The following NSMCE1 variants were observed in gnomAD, a reference collection of about 807,000 sequenced individuals.
NSMCE1 encodes NSE1 component of SMC5/6 complex, also known as non-structural maintenance of chromosomes element 1 homolog.
In NSMCE1, 18 loss-of-function variants were observed where a neutral mutation model predicts 29.6. The observed-to-expected ratio is 0.61, with a 90% CI of 0.42 to 0.90. The LOEUF (loss-of-function observed/expected upper bound fraction) is 0.90. Ranked by LOEUF, NSMCE1 falls within the 40% of genes least tolerant of loss-of-function variation. NSMCE1 has a pLI of 0.00. For missense variants in NSMCE1, 314 were observed against 343.6 expected, an observed-to-expected ratio of 0.91 and a Z score of 0.68; for synonymous variants, 124 against 133.4, an observed-to-expected ratio of 0.93 and a Z score of 0.49.
At chr16:27,257,344 G>A (rs558712216) in intron 2 of NSMCE1, 91 bp downstream of exon 2, 19 of 1,101,290 alleles carry the variant, frequency 1.7e-5, no homozygotes, top group African/African-American at 9.7e-5. Context: ...CAGGAGTACC[G>A]GTTAACAAGT....
intron 1 of NSMCE1, chr16:27,266,542 A>C (rs889528147): frequency 6.6e-6 from 1 of 152,188 alleles, no homozygotes; most frequent in South Asian, 2.1e-4. Flanking sequence ...GCTTGAACCC[A>C]GGAGGTGGAG....
At chr16:27,227,702 G>A (rs2083713567) in intron 5 of NSMCE1, among the ~76,000 whole-genome samples, 1 of 152,070 alleles carries the variant, frequency 6.6e-6, no homozygotes, top group African/African-American at 2.4e-5. Context: ...CAAGTCACCC[G>A]AGTGCTCAAC....
Position 27,226,731 on chromosome 16 carries a change from G to A in NSMCE1, c.589C>T (p.Leu197Phe). Residue 197 changes from leucine (L) to phenylalanine (F), a missense_variant, in exon 6 of 8, where the codon CTC (leucine) becomes TTC (phenylalanine). Leu to Phe is a conservative substitution (Grantham distance 22). Coordinates refer to ENST00000361439, the MANE Select transcript of NSMCE1 (RefSeq NM_145080.4). ...TGCCCTGCGGGTACCTGGATGAGGAGGCTGTGACAGATATTGCAGATCTTC... is the reference window on the plus strand; with the variant it reads ...TGCCCTGCGGGTACCTGGATGAGGAAGCTGTGACAGATATTGCAGATCTTC... Reference protein sequence around the residue: ...AVKICNICHSLLIQGQSCETC... With the variant: ...AVKICNICHSFLIQGQSCETC... 6.2e-7 allele frequency: 1 copy of A among 1,609,480 alleles called. No individual in the cohort carries two copies. The highest frequency in any genetic ancestry group is 8.5e-7 in the Non-Finnish European group (1 of 1,175,818).
rs1468520142 is a variant in NSMCE1 at position 27,235,212 on chromosome 16, A to G, written c.224T>C (p.Val75Ala). The G allele has an allele frequency of 6.2e-7, 1 of 1,613,070 alleles. No individual in the cohort carries two copies. Among genetic ancestry groups the G allele is most frequent in the Non-Finnish European group, 8.5e-7 (1 of 1,179,782 alleles). Residue 75 changes from valine to alanine, a missense_variant, in exon 3 of 8, where the codon GTC becomes GCC. By Grantham distance (64) the Val-to-Ala change is moderately conservative. Transcript: ENST00000361439. The stretch of plus-strand genomic sequence containing the variant: ...AATGGGTCTCCCATCATCTTCCGTG[A>G]CTCCTCTCTTTATCTCAATATACAA... Reference protein sequence around the residue: ...ESLYIEIKRGVTEDDGRPIYA... With the variant: ...ESLYIEIKRGATEDDGRPIYA...
intron 2 of NSMCE1, among the ~76,000 whole-genome samples, chr16:27,253,724 C>G (rs1455832567): frequency 1.3e-5 from 2 of 152,162 alleles, no homozygotes; most frequent in Non-Finnish European, 2.9e-5. Flanking sequence ...GTCACCAGTC[C>G]CTAGCACAGA....
At chr16:27,228,483 C>A (rs981335635) in intron 5 of NSMCE1, among the ~76,000 whole-genome samples, 1 of 152,000 alleles carries the variant, frequency 6.6e-6, no homozygotes, top group African/African-American at 2.4e-5. Context: ...CCCTGGCCAC[C>A]GCCCTCTTCC....
intron 2 of NSMCE1, among the ~76,000 whole-genome samples, chr16:27,236,357 C>A (rs113002199): frequency 2.7e-4 from 40 of 146,966 alleles, no homozygotes; most frequent in African/African-American, 8.4e-4. Flanking sequence ...AGTGCAGTAG[C>A]ACAGTCTTGG....
At chr16:27,266,590 C>T (rs990900877) in intron 1 of NSMCE1, 30 of 151,542 alleles carry the variant, frequency 2.0e-4, no homozygotes, top group African/African-American at 6.6e-4. Context: ...GCACTCTAGC[C>T]TGGGCGACAG....
Position 27,236,719 on chromosome 16 carries a change from A to G in NSMCE1, c.137-1420T>C, listed in dbSNP as rs369305613. Among the ~76,000 whole-genome samples, 84 of 152,338 alleles carry G rather than the reference A, an allele frequency of 5.5e-4. 1 individual carries two copies. The highest frequency in any genetic ancestry group is 2.0e-3 in the African/African-American group (82 of 41,580). On this transcript the variant is annotated intron_variant, in intron 2 of 7. Transcript: ENST00000361439. ...AAAATCATTCTGGAAAAAAAACTGC[A>G]AGAAAAAATGGACAATATGATACAT...
At chr16:27,228,004 T>TG (rs1274090212) in intron 5 of NSMCE1, among the ~76,000 whole-genome samples, 1 of 152,094 alleles carries the variant, frequency 6.6e-6, no homozygotes, top group African/African-American at 2.4e-5. Context: ...AGGCTGGTCT[T>TG]GAACTCCCGA....
intron 1 of NSMCE1, among the ~76,000 whole-genome samples, chr16:27,260,884 G>A (rs1011107981): frequency 3.5e-5 from 4 of 114,832 alleles, no homozygotes; most frequent in Admixed American, 1.6e-4. Flanking sequence ...AAGGTTGCGG[G>A]GGCTGGTCGT....
In NSMCE1 at chr16:27,260,768, A is replaced by C. The variant is rs550633808; in HGVS notation, c.-11-3187T>G. Among the ~76,000 whole-genome samples the C allele has an allele frequency of 1.0e-4, 15 of 149,470 alleles. No individual in the cohort carries two copies. The South Asian group carries it at 3.2e-3, about 32-fold the overall frequency. ...CAGCTATTTAGGAGGCTGAGGTGGG[A>C]AGATTGCTTGAGCCTGGGAGGTCGA... On this transcript the variant is annotated intron_variant, in intron 1 of 7. Coordinates refer to ENST00000361439, the MANE Select transcript of NSMCE1 (RefSeq NM_145080.4).
At chr16:27,227,125 G>A (rs1472003298) in intron 5 of NSMCE1, among the ~76,000 whole-genome samples, 5 of 152,352 alleles carry the variant, frequency 3.3e-5, no homozygotes, top group East Asian at 1.9e-4. Context: ...CGGCAGCCTC[G>A]AGGGAGGCAG....
chr16:27,263,906 G>A (rs749948908), intron 1 of NSMCE1, among the ~76,000 whole-genome samples: 26 of 152,276 alleles, frequency 1.7e-4, no homozygotes, highest in Non-Finnish European at 3.4e-4. Context: ...CAATGCAATT[G>A]AATCAATGCT....
At chr16:27,236,441 C>T (rs2083826669) in intron 2 of NSMCE1, among the ~76,000 whole-genome samples, 1 of 151,976 alleles carries the variant, frequency 6.6e-6, no homozygotes, top group Non-Finnish European at 1.5e-5. Flanking sequence ...AGATTACAGG[C>T]ATGCACCACC....
Position 27,257,552 on chromosome 16 carries a change from TC to T in NSMCE1, c.18del (p.Arg7GlufsTer5). The T allele has an allele frequency of 6.2e-7, 1 of 1,613,434 alleles. No homozygotes were observed. Among genetic ancestry groups the T allele is most frequent in the Non-Finnish European group, 8.5e-7 (1 of 1,179,656 alleles). On this transcript the variant is annotated frameshift_variant, in exon 2 of 8. Transcript: ENST00000361439. LOFTEE classifies it high-confidence loss of function. ...TGGACATCAGTCATGACGCCCATTC[TC>T]CTTGTGCTGCCCTGCATGTGGGAAC... MQGST[R>X]RMGVMTDVHR...
chr16:27,228,273 T>C (rs2083724298), intron 5 of NSMCE1, among the ~76,000 whole-genome samples: 1 of 152,116 alleles, frequency 6.6e-6, no homozygotes. Flanking sequence ...GGACAGCCGC[T>C]GCGGGAACAG....
At chr16:27,226,489 C>G (rs1283644419) in intron 6 of NSMCE1, 2 of 516,940 alleles carry the variant, frequency 3.9e-6, no homozygotes, top group African/African-American at 3.8e-5. Flanking sequence ...AGCGAGGGCC[C>G]TTGGACCCCA....
At chr16:27,243,565 A>G (rs896522402) in intron 2 of NSMCE1, among the ~76,000 whole-genome samples, 3 of 152,218 alleles carry the variant, frequency 2.0e-5, no homozygotes, top group African/African-American at 4.8e-5. Flanking sequence ...CCAGTCCCCT[A>G]GCAACCAGTC....
Sources: allele counts gnomAD v4.1 joint callset (sites outside exome capture counted in the v4.1 genomes callset), GRCh38; gene constraint gnomAD v4.1.1; transcripts MANE v1.5; gene names NCBI Gene and HGNC (gene_info 2026-07-23, HGNC 2026-07-21).